PGBD5: variants seen among roughly 807,000 people sequenced by gnomAD.
PGBD5 encodes the protein piggyBac transposable element-derived protein 5.
PGBD5 carries 14 observed loss-of-function variants against 47.9 expected under a neutral mutation model. The ratio of observed to expected loss-of-function variants is 0.29; its 90% CI spans 0.19 to 0.46. The LOEUF (loss-of-function observed/expected upper bound fraction) is 0.46. PGBD5 is among the 20% of genes least tolerant of loss of function. PGBD5 has a pLI of 1.00. For synonymous variants in PGBD5, 316 were observed against 306.3 expected (o/e 1.03, Z -0.33); for missense variants, 635 against 716.0 (o/e 0.89, Z 1.29).
At chr1:230,423,768 C>A (rs1449076977) in intron 1 of PGBD5, among the ~76,000 whole-genome samples, 1 of 152,078 alleles carries the variant, frequency 6.6e-6, no homozygotes, top group Non-Finnish European at 1.5e-5. Context: ...GGTAAAAATA[C>A]CGGCAATAAC....
intron 1 of PGBD5, among the ~76,000 whole-genome samples, chr1:230,378,738 T>C (rs1387381777): frequency 6.6e-6 from 1 of 152,242 alleles, no homozygotes; most frequent in African/African-American, 2.4e-5. Context: ...GATCTCAGCA[T>C]GGCCAACATT....
intron 2 of PGBD5, among the ~76,000 whole-genome samples, chr1:230,353,028 C>T (rs1162023721): frequency 2.0e-5 from 3 of 152,138 alleles, no homozygotes; most frequent in African/African-American, 7.2e-5. Context: ...TAATCACATG[C>T]CTTATCAAAG....
intron 1 of PGBD5, among the ~76,000 whole-genome samples, chr1:230,388,652 T>C (rs942919535): frequency 2.0e-5 from 3 of 152,156 alleles, no homozygotes; most frequent in Non-Finnish European, 4.4e-5. Context: ...CCTGACCTCA[T>C]GATCCACCTG....
intron 1 of PGBD5, among the ~76,000 whole-genome samples, chr1:230,364,567 G>A (rs1239153293): frequency 1.3e-5 from 2 of 152,284 alleles, no homozygotes; most frequent in Non-Finnish European, 2.9e-5. Context: ...GTGCACGTGT[G>A]TGTCTGTGCA....
At chr1:230,385,617 G>A (rs1656618531) in intron 1 of PGBD5, among the ~76,000 whole-genome samples, 3 of 152,202 alleles carry the variant, frequency 2.0e-5, no homozygotes, top group South Asian at 4.2e-4. Context: ...ATACAAATAA[G>A]CAAAAGGAAA....
At chr1:230,392,997 G>A (rs574180601) in intron 1 of PGBD5, among the ~76,000 whole-genome samples, 5 of 150,536 alleles carry the variant, frequency 3.3e-5, no homozygotes, top group East Asian at 4.0e-4. Flanking sequence ...AGTGGTGGGC[G>A]GGGGAGCAAA....
intron 1 of PGBD5, among the ~76,000 whole-genome samples, chr1:230,412,850 A>G (rs964055593): frequency 6.6e-6 from 1 of 152,176 alleles, no homozygotes; most frequent in South Asian, 2.1e-4. Context: ...AGTCAACTGT[A>G]TATATTTTCG....
rs1657775275 is a variant in PGBD5 at position 230,425,986 on chromosome 1, G to A, written c.-58C>T. 3.6e-6 allele frequency: 3 copies of A among 840,878 alleles called. No individual in the cohort carries two copies. Among genetic ancestry groups the A allele is most frequent in the Non-Finnish European group, 2.9e-6 (2 of 701,722 alleles). 52.1% of individuals were successfully genotyped at this position (840,878 alleles called of 1,614,324 possible). On this transcript the variant is annotated 5_prime_UTR_variant, in exon 1 of 7. Transcript: ENST00000391860. This position sits in a 1 kb window ranked among gnomAD's most constrained non-coding sequence, Gnocchi z 4.7. ...CAGTGCCTCCCAGCCGCACACGCCG[G>A]GCCCTGGGCCCGCGCCGCGGCCCGC... is the stretch of plus-strand genomic sequence containing the variant.
chr1:230,327,970 T>C (rs1667149377), intron 5 of PGBD5, among the ~76,000 whole-genome samples: 1 of 152,256 alleles, frequency 6.6e-6, no homozygotes, highest in African/African-American at 2.4e-5. Context: ...CTCTGGCCTC[T>C]GTAGGGTTCC....
chr1:230,408,222 T>C (rs1294427578), intron 1 of PGBD5, among the ~76,000 whole-genome samples: 2 of 152,216 alleles, frequency 1.3e-5, no homozygotes, highest in African/African-American at 4.8e-5. Flanking sequence ...TCTAATACAG[T>C]ATAAATTTTT....
At chr1:230,402,926 G>A (rs575675753) in intron 1 of PGBD5, among the ~76,000 whole-genome samples, 3 of 152,324 alleles carry the variant, frequency 2.0e-5, no homozygotes, top group African/African-American at 7.2e-5. Flanking sequence ...GTTTGTTAGG[G>A]AGACCTGCTT....
At chr1:230,368,112 C>T (rs1343828375) in intron 1 of PGBD5, 1 of 1,367,788 alleles carries the variant, frequency 7.3e-7, no homozygotes, top group African/African-American at 1.5e-5. Flanking sequence ...TGCTCAAGTT[C>T]TGACCACACA....
At chr1:230,390,799 G>C (rs1002640171) in intron 1 of PGBD5, among the ~76,000 whole-genome samples, 17 of 152,140 alleles carry the variant, frequency 1.1e-4, no homozygotes, top group African/African-American at 3.4e-4. Flanking sequence ...GAGTGCAGTA[G>C]TGTGATCTTG....
chr1:230,380,265 G>A (rs1326483327), intron 1 of PGBD5, among the ~76,000 whole-genome samples: 1 of 152,228 alleles, frequency 6.6e-6, no homozygotes, highest in Non-Finnish European at 1.5e-5. Context: ...GAAGAGACAG[G>A]CAGTACTTTC....
chr1:230,361,539 T>G lies in PGBD5; in HGVS notation c.332-4218A>C, dbSNP rs373701728. ...CCACTCCCTCAGACCCAGGGCAGCATGTATAGTGGCTTGGTAATGCCCAAT... is the reference window on the plus strand; with the variant it reads ...CCACTCCCTCAGACCCAGGGCAGCAGGTATAGTGGCTTGGTAATGCCCAAT... On this transcript the variant is annotated intron_variant, in intron 1 of 6. Transcript: ENST00000391860. 3.3e-5 allele frequency among the ~76,000 whole-genome samples: 5 copies of G among 152,236 alleles called. No homozygotes were observed. In the South Asian group the frequency reaches 1.0e-3, roughly 32 times the overall value.
At chr1:230,377,759 A>C in intron 1 of PGBD5, 2 of 1,347,212 alleles carry the variant, frequency 1.5e-6, no homozygotes, top group Non-Finnish European at 1.9e-6. Flanking sequence ...ACTGTGCATA[A>C]AGCACAGTGC....
intron 1 of PGBD5, among the ~76,000 whole-genome samples, chr1:230,391,192 G>A (rs1198643473): frequency 2.6e-5 from 4 of 152,126 alleles, no homozygotes; most frequent in East Asian, 1.9e-4. Context: ...CCAGCCTGTC[G>A]CTGTGGCTGA....
chr1:230,404,924 T>G (rs1571861953), intron 1 of PGBD5, among the ~76,000 whole-genome samples: 1 of 70,514 alleles, frequency 1.4e-5, no homozygotes, highest in African/African-American at 6.1e-5. Context: ...AAACTCCATC[T>G]CAAAAAAAAA....
In PGBD5 at chr1:230,356,695, G is replaced by A. The variant is rs113738276; in HGVS notation, c.759+199C>T. Among the ~76,000 whole-genome samples, 47 of 152,340 alleles carry A rather than the reference G, an allele frequency of 3.1e-4. 1 individual carries two copies. The highest frequency in any genetic ancestry group is 1.0e-3 in the African/African-American group (43 of 41,576). ...TGAATTCTGACTTGTCTGAAGGCTG[G>A]AGCTATTATTATTACTCCCCTCCGA... On this transcript the variant is annotated intron_variant, in intron 2 of 6. Transcript: ENST00000391860.
Sources: gnomAD v4.1 joint callset for allele counts (sites outside exome capture counted in the v4.1 genomes callset) on GRCh38, gnomAD v4.1.1 for gene constraint, Gnocchi (gnomAD v3.1) non-coding constraint, MANE v1.5 for transcripts, NCBI Gene and HGNC (gene_info 2026-07-23, HGNC 2026-07-21) for gene names.